NUS1: variants seen among roughly 807,000 people sequenced by gnomAD.
NUS1 encodes NUS1 dehydrodolichyl diphosphate synthase subunit.
For missense variants in NUS1, 292 were observed against 382.9 expected, an observed-to-expected ratio of 0.76 and a Z score of 1.98; for synonymous variants, 135 against 155.2, an observed-to-expected ratio of 0.87 and a Z score of 0.97.
rs1773563211 is a variant in NUS1 at position 117,710,696 on chromosome 6, A to AT, written c.*3681_*3682insT. ...ATTATTGTGTCTGGATATAAATTAC[A>AT]ATAGCACATGAAAATAAAATGTTTT... On this transcript the variant is annotated 3_prime_UTR_variant, in exon 5 of 5. Coordinates refer to ENST00000368494, the MANE Select transcript of NUS1 (RefSeq NM_138459.5). 1 of 152,202 alleles carries AT rather than the reference A, an allele frequency of 6.6e-6. No individual in the cohort carries two copies. Among genetic ancestry groups the AT allele is most frequent in the Admixed American group, 6.5e-5 (1 of 15,280 alleles). The allele number at this position is 152,202 out of a possible 1,614,324, so 9.4% of individuals were successfully genotyped here.
At chr6:117,695,193 C>CAAAAAAAAAAAAAAA (rs58136219) in intron 3 of NUS1, among the ~76,000 whole-genome samples, 14 of 55,236 alleles carry the variant, frequency 2.5e-4, no homozygotes, top group Admixed American at 3.3e-4. Flanking sequence ...GACCCTGTCT[C>CAAAAAAAAAAAAAAA]AAAAAAAAAA....
At chr6:117,705,310 C>G (rs1773483345) in intron 4 of NUS1, among the ~76,000 whole-genome samples, 1 of 152,108 alleles carries the variant, frequency 6.6e-6, no homozygotes, top group South Asian at 2.1e-4. Flanking sequence ...AGCAGTGATG[C>G]TGTGTACAGT....
intron 1 of NUS1, among the ~76,000 whole-genome samples, chr6:117,689,328 T>C (rs2114684041): frequency 6.6e-6 from 1 of 152,298 alleles, no homozygotes; most frequent in East Asian, 1.9e-4. Context: ...AAGGTAAATA[T>C]GAACAAACTG....
At chr6:117,690,239 A>G (rs1582469312) in intron 1 of NUS1, among the ~76,000 whole-genome samples, 1 of 152,190 alleles carries the variant, frequency 6.6e-6, no homozygotes, top group African/African-American at 2.4e-5. Context: ...GTTCACTTTT[A>G]TATTTCCACG....
chr6:117,679,024 T>C (rs1443759367), intron 1 of NUS1, among the ~76,000 whole-genome samples: 1 of 152,200 alleles, frequency 6.6e-6, no homozygotes, highest in Non-Finnish European at 1.5e-5. Flanking sequence ...AGCTTATTTC[T>C]AGATAGATAT....
chr6:117,699,776 T>TA (rs2114691400), intron 3 of NUS1, among the ~76,000 whole-genome samples: 1 of 152,172 alleles, frequency 6.6e-6, no homozygotes, highest in East Asian at 1.9e-4. Flanking sequence ...TACTTATAGT[T>TA]ACCAAAACAG....
In NUS1 at chr6:117,709,705, T is replaced by C. The variant is rs529792696; in HGVS notation, c.*2690T>C. 2 of 152,704 alleles carry C rather than the reference T, an allele frequency of 1.3e-5. No homozygotes were observed. The highest frequency in any genetic ancestry group is 2.1e-4 in the South Asian group (1 of 4,830). 9.5% of individuals were successfully genotyped at this position (152,704 alleles called of 1,614,324 possible). On this transcript the variant is annotated 3_prime_UTR_variant, in exon 5 of 5. Transcript: ENST00000368494. ...ATGGACTTTGACAATATGTAAATAA[T>C]GTGTAAAGCCAGTTTTTATGATTAA...
At chr6:117,676,811 A>G (rs966309173) in intron 1 of NUS1, among the ~76,000 whole-genome samples, 1 of 152,186 alleles carries the variant, frequency 6.6e-6, no homozygotes, top group Non-Finnish European at 1.5e-5. Flanking sequence ...CTGTTTCTTT[A>G]AGAGAGCTTC....
At chr6:117,705,118 G>C (rs528628215) in intron 4 of NUS1, among the ~76,000 whole-genome samples, 38 of 152,276 alleles carry the variant, frequency 2.5e-4, no homozygotes, top group Non-Finnish European at 1.2e-4. Context: ...AAATCATCTG[G>C]TCCCACCTTC....
rs1376270528 is a variant in NUS1 at position 117,707,026 on chromosome 6, T to C, written c.*11T>C. On this transcript the variant is annotated 3_prime_UTR_variant, in exon 5 of 5. Coordinates refer to ENST00000368494, the MANE Select transcript of NUS1 (RefSeq NM_138459.5). ...CGTCTGGGAAAGTAGTGGTCATTGG[T>C]TGCATAATTTGATTTGAGGCTTGTG... The C allele has an allele frequency of 1.2e-6, 2 of 1,610,176 alleles. No individual in the cohort carries two copies. The highest frequency in any genetic ancestry group is 1.7e-5 in the Admixed American group (1 of 59,912).
rs1772963203 is a variant in NUS1 at position 117,675,737 on chromosome 6, ACCT to A, written c.71_73del (p.Ser24del). 1.9e-6 allele frequency: 3 copies of A among 1,539,704 alleles called. No homozygotes were observed. Among genetic ancestry groups the A allele is most frequent in the African/African-American group, 2.8e-5 (2 of 72,676 alleles). The stretch of plus-strand genomic sequence containing the variant: ...GCTGCTCTGTCTGCACCGCACGCTC[ACCT>A]CCTGGCTCCGCGTTCGGTTCGGCAC... On this transcript the variant is annotated inframe_deletion, in exon 1 of 5. Coordinates refer to ENST00000368494, the MANE Select transcript of NUS1 (RefSeq NM_138459.5).
intron 3 of NUS1, among the ~76,000 whole-genome samples, chr6:117,697,566 C>T (rs971215418): frequency 4.6e-5 from 7 of 151,924 alleles, no homozygotes; most frequent in African/African-American, 1.7e-4. Flanking sequence ...CCAAGAAGTC[C>T]ACTATCTAGT....
chr6:117,684,053 G>A (rs1160239684), intron 1 of NUS1, among the ~76,000 whole-genome samples: 1 of 152,138 alleles, frequency 6.6e-6, no homozygotes, highest in Non-Finnish European at 1.5e-5. Context: ...CTCCTCTGTT[G>A]TACTTCCAAA....
intron 1 of NUS1, among the ~76,000 whole-genome samples, chr6:117,685,163 T>C (rs1773118425): frequency 6.6e-6 from 1 of 152,232 alleles, no homozygotes; most frequent in Non-Finnish European, 1.5e-5. Context: ...CTGCTGTTTA[T>C]TAAGAAATAA....
At chr6:117,693,496 C>G (rs1773271835) in intron 2 of NUS1, among the ~76,000 whole-genome samples, 1 of 152,074 alleles carries the variant, frequency 6.6e-6, no homozygotes, top group Admixed American at 6.5e-5. Flanking sequence ...TGAATCTTTG[C>G]TGGACAAGAA....
intron 1 of NUS1, among the ~76,000 whole-genome samples, chr6:117,680,136 A>C (rs898781112): frequency 1.3e-5 from 2 of 152,202 alleles, no homozygotes; most frequent in Admixed American, 1.3e-4. Context: ...ACTACCTGCA[A>C]TATTTCTTGA....
At chr6:117,677,712 T>C (rs1773004203) in intron 1 of NUS1, among the ~76,000 whole-genome samples, 1 of 152,198 alleles carries the variant, frequency 6.6e-6, no homozygotes, top group Non-Finnish European at 1.5e-5. Flanking sequence ...CACCAAATGA[T>C]GATTTGCCCT....
chr6:117,701,258 T>C (rs1029881606), intron 3 of NUS1, among the ~76,000 whole-genome samples: 3 of 150,242 alleles, frequency 2.0e-5, no homozygotes, highest in African/African-American at 7.3e-5. Flanking sequence ...TTTTTTTTTT[T>C]TTTTGAGATG....
chr6:117,677,656 C>CT (rs1773003555), intron 1 of NUS1, among the ~76,000 whole-genome samples: 6 of 152,216 alleles, frequency 3.9e-5, no homozygotes, highest in Admixed American at 3.3e-4. Flanking sequence ...GCCCTATCAT[C>CT]TTTCCTGCAG....
Sources: gnomAD v4.1 joint callset for allele counts (sites outside exome capture counted in the v4.1 genomes callset) on GRCh38, gnomAD v4.1.1 for gene constraint, MANE v1.5 for transcripts, NCBI Gene and HGNC (gene_info 2026-07-23, HGNC 2026-07-21) for gene names.